FSIP1: variants seen among roughly 807,000 people sequenced by gnomAD.
FSIP1 encodes the protein fibrous sheath-interacting protein 1.
A neutral mutation model predicts 60.9 loss-of-function variants in FSIP1; 65 were observed. That is an observed-to-expected ratio of 1.07 (90% confidence interval 0.87 to 1.31). The LOEUF (loss-of-function observed/expected upper bound fraction) is 1.31. FSIP1 is among the 40% of genes most tolerant of loss of function. FSIP1 has a pLI of 0.00. For synonymous variants in FSIP1, 209 were observed against 221.2 expected (o/e 0.94, Z 0.49); for missense variants, 675 against 665.5 (o/e 1.01, Z -0.16).
rs1379262581 is a variant in FSIP1 at position 39,757,593 on chromosome 15, T to TA, written c.559+6227_559+6228insT. On this transcript the variant is annotated intron_variant, in intron 5 of 11. Transcript: ENST00000350221. ...TAACTACTTTTTTGTTTTTAAGAAT[T>TA]TAAAAAAAACAGATATGTGTGGCAA... 2.0e-4 allele frequency among the ~76,000 whole-genome samples: 30 copies of TA among 151,528 alleles called. 1 individual carries two copies. The highest frequency in any genetic ancestry group is 2.6e-4 in the Admixed American group (4 of 15,214).
chr15:39,648,024 G>C (rs1004122781), intron 10 of FSIP1, among the ~76,000 whole-genome samples: 2 of 151,820 alleles, frequency 1.3e-5, no homozygotes, highest in African/African-American at 4.8e-5. Flanking sequence ...GTGGTGGGGT[G>C]GGGGGAGCGG....
At chr15:39,650,639 T>A (rs1177587487) in intron 10 of FSIP1, among the ~76,000 whole-genome samples, 1 of 152,158 alleles carries the variant, frequency 6.6e-6, no homozygotes, top group African/African-American at 2.4e-5. Context: ...CGACTTTATG[T>A]AGACCACCTC....
downstream of FSIP1, chr15:39,597,476 A>G (rs998128138): frequency 4.6e-5 from 7 of 152,012 alleles, no homozygotes; most frequent in Non-Finnish European, 7.4e-5. Context: ...TACTTACTGT[A>G]TCCATGCTTA....
intron 8 of FSIP1, among the ~76,000 whole-genome samples, chr15:39,727,106 G>A (rs1190483977): frequency 1.3e-5 from 2 of 152,166 alleles, no homozygotes; most frequent in African/African-American, 4.8e-5. Flanking sequence ...ACCCTGTAAT[G>A]GGACATGGTA....
At position 39,639,304 on chromosome 15, in the gene FSIP1, G is replaced by A. The variant is rs117449448; in HGVS notation, c.1189-21059C>T. Among the ~76,000 whole-genome samples the A allele has an allele frequency of 1.7e-4, 26 of 152,218 alleles. 1 individual carries two copies. In the East Asian group the frequency reaches 4.6e-3, roughly 27 times the overall value. On this transcript the variant is annotated intron_variant, in intron 10 of 11. Transcript: ENST00000350221. The stretch of plus-strand genomic sequence containing the variant: ...ATGAAGCAGAAGCAGCATTTTCCTT[G>A]TTCCTCTGACTACCTTTTTTTTCAA...
chr15:39,693,443 G>A lies in FSIP1; in HGVS notation c.1188+20001C>T, dbSNP rs1054741112. On this transcript the variant is annotated intron_variant, in intron 10 of 11. Coordinates refer to ENST00000350221, the MANE Select transcript of FSIP1 (RefSeq NM_152597.5). ...AAAGATTTGTCTGCCCACCTTATTC[G>A]CTGTGTTTGACTGCTACAATAAGTC... 3.9e-5 allele frequency among the ~76,000 whole-genome samples: 6 copies of A among 152,146 alleles called. No individual in the cohort carries two copies. The South Asian group carries it at 1.0e-3, about 26-fold the overall frequency.
At chr15:39,662,420 T>C (rs1031356994) in intron 10 of FSIP1, among the ~76,000 whole-genome samples, 1 of 152,202 alleles carries the variant, frequency 6.6e-6, no homozygotes. Context: ...ATAGTTCCAT[T>C]ATCTACCCAA....
chr15:39,709,269 C>A (rs986381897), intron 10 of FSIP1, among the ~76,000 whole-genome samples: 1 of 152,208 alleles, frequency 6.6e-6, no homozygotes, highest in Non-Finnish European at 1.5e-5. Context: ...CACCAGTAAT[C>A]CTGAAAGGAT....
chr15:39,767,152 T>A (rs1406698099), intron 3 of FSIP1, among the ~76,000 whole-genome samples: 1 of 152,122 alleles, frequency 6.6e-6, no homozygotes, highest in Non-Finnish European at 1.5e-5. Context: ...CTCAATTCCA[T>A]CATTTCCTCT....
chr15:39,661,833 A>G (rs1388382855), intron 10 of FSIP1, among the ~76,000 whole-genome samples: 1 of 152,236 alleles, frequency 6.6e-6, no homozygotes, highest in Non-Finnish European at 1.5e-5. Flanking sequence ...TTTTTCCACT[A>G]AGACTGCATG....
chr15:39,763,775 A>C, intron 5 of FSIP1, 46 bp downstream of exon 5: 2 of 952,606 alleles, frequency 2.1e-6, no homozygotes, highest in Non-Finnish European at 3.4e-6. Context: ...CAAATATTCC[A>C]TGACTCAGAT....
At chr15:39,697,518 G>A (rs2140516942) in intron 10 of FSIP1, among the ~76,000 whole-genome samples, 1 of 152,238 alleles carries the variant, frequency 6.6e-6, no homozygotes, top group African/African-American at 2.4e-5. Flanking sequence ...TCTAACTTCA[G>A]GAATCAAATA....
chr15:39,741,616 A>G (rs540107034), intron 6 of FSIP1, among the ~76,000 whole-genome samples, 189 bp downstream of exon 6: 36 of 152,302 alleles, frequency 2.4e-4, no homozygotes, highest in African/African-American at 7.7e-4. Flanking sequence ...CAAACATCCA[A>G]AGTAGAATGG....
chr15:39,609,746 C>T (rs1304623815), intron 11 of FSIP1, among the ~76,000 whole-genome samples: 1 of 152,234 alleles, frequency 6.6e-6, no homozygotes, highest in Admixed American at 6.5e-5. Context: ...GGGAAAACAA[C>T]ATGCAACCCT....
chr15:39,718,362 T>C (rs1408174978), intron 9 of FSIP1, among the ~76,000 whole-genome samples: 1 of 151,932 alleles, frequency 6.6e-6, no homozygotes, highest in East Asian at 1.9e-4. Context: ...TATAGAGAAA[T>C]AGACTGGAAG....
chr15:39,672,858 C>A (rs966354994), intron 10 of FSIP1, among the ~76,000 whole-genome samples: 5 of 152,170 alleles, frequency 3.3e-5, no homozygotes, highest in African/African-American at 1.2e-4. Context: ...AAAACCACTA[C>A]ATGATGGAAT....
At chr15:39,661,265 A>T (rs1305879052) in intron 10 of FSIP1, among the ~76,000 whole-genome samples, 1 of 152,220 alleles carries the variant, frequency 6.6e-6, no homozygotes, top group East Asian at 1.9e-4. Context: ...CAATATATAG[A>T]ACAGGGTTAA....
rs71132108 is a variant in FSIP1, at chr15:39,646,520, C to CAAAAAAA, written c.1189-28282_1189-28276dup. On this transcript the variant is annotated intron_variant, in intron 10 of 11. Coordinates refer to ENST00000350221, the MANE Select transcript of FSIP1 (RefSeq NM_152597.5). ...GTAACATAGCGAGACCTCATCTCTACAAAAAAAAAAAAAAAAAAAAAAAAA... is the reference window on the plus strand; with the variant it reads ...GTAACATAGCGAGACCTCATCTCTACAAAAAAAAAAAAAAAAAAAAAAAAAAAAAAAA... Among the ~76,000 whole-genome samples the CAAAAAAA allele has an allele frequency of 7.0e-3, 190 of 27,102 alleles. 43 individuals carry two copies. The highest frequency in any genetic ancestry group is 0.044 in the East Asian group (25 of 570). The allele number at this position is 27,102 out of a possible 152,430, so 17.8% of individuals were successfully genotyped here. A position where few individuals can be genotyped will look rare whatever the true frequency, so the allele number is the denominator to read the frequency against.
rs191808116 is a variant in FSIP1, at chr15:39,615,280, A to G, written c.1699+2455T>C. On this transcript the variant is annotated intron_variant, in intron 11 of 11. Transcript: ENST00000350221. ...CAAATGTGATTATATCAAACCAAAAAGTGTCTGCACAGCAAAGAAAACAAT... is the reference window on the plus strand; with the variant it reads ...CAAATGTGATTATATCAAACCAAAAGGTGTCTGCACAGCAAAGAAAACAAT... 1.4e-3 allele frequency among the ~76,000 whole-genome samples: 212 copies of G among 152,280 alleles called. 1 individual carries two copies. Among genetic ancestry groups the G allele is most frequent in the African/African-American group, 4.9e-3 (204 of 41,558 alleles).
Sources: gnomAD v4.1 joint callset for allele counts (sites outside exome capture counted in the v4.1 genomes callset) on GRCh38, gnomAD v4.1.1 for gene constraint, MANE v1.5 for transcripts, NCBI Gene and HGNC (gene_info 2026-07-23, HGNC 2026-07-21) for gene names.